SPAG16: variants seen among roughly 807,000 people sequenced by gnomAD.
SPAG16 encodes sperm associated antigen 16.
In SPAG16, 86 loss-of-function variants were observed where a neutral mutation model predicts 80.4. The observed-to-expected ratio is 1.07, with a 90% CI of 0.90 to 1.28. SPAG16 has a LOEUF of 1.28. SPAG16 is among the 50% of genes most tolerant of loss of function. SPAG16 has a pLI of 0.00. For synonymous variants in SPAG16, 294 were observed against 265.9 expected, an observed-to-expected ratio of 1.11 and a Z score of -1.03; for missense variants, 870 against 765.3, an observed-to-expected ratio of 1.14 and a Z score of -1.61.
At chr2:214,343,155 C>T (rs1697820007) in intron 15 of SPAG16, among the ~76,000 whole-genome samples, 1 of 151,850 alleles carries the variant, frequency 6.6e-6, no homozygotes, top group Non-Finnish European at 1.5e-5. Context: ...AGGGTACTAC[C>T]AAACATTAGT....
At chr2:214,229,465 ATTATAT>A (rs1210522671) in intron 15 of SPAG16, among the ~76,000 whole-genome samples, 3 of 151,684 alleles carry the variant, frequency 2.0e-5, no homozygotes, top group Non-Finnish European at 3.0e-5. Context: ...TTGTCTGTAT[ATTATAT>A]TTATATGTAT....
intron 10 of SPAG16, among the ~76,000 whole-genome samples, chr2:213,505,750 A>G (rs1244647761): frequency 6.6e-6 from 1 of 152,042 alleles, no homozygotes; most frequent in Non-Finnish European, 1.5e-5. Context: ...CCTATTAACA[A>G]TTTGGATAAC....
At chr2:213,866,665 G>A (rs1364120504) in intron 11 of SPAG16, among the ~76,000 whole-genome samples, 1 of 152,080 alleles carries the variant, frequency 6.6e-6, no homozygotes, top group Non-Finnish European at 1.5e-5. Flanking sequence ...AAGCAGAATG[G>A]TGCTTACAGG....
chr2:213,634,979 A>G (rs2062305023), intron 10 of SPAG16, among the ~76,000 whole-genome samples: 1 of 148,304 alleles, frequency 6.7e-6, no homozygotes, highest in African/African-American at 2.5e-5. Flanking sequence ...TATACTCCAC[A>G]TTTTCTTTAT....
intron 13 of SPAG16, among the ~76,000 whole-genome samples, chr2:214,059,220 GTGTATATA>G (rs1295017501): frequency 1.4e-5 from 1 of 73,802 alleles, no homozygotes; most frequent in African/African-American, 5.1e-5. Context: ...ATATATGTAT[GTGTATATA>G]TATATATATA....
chr2:213,769,430 A>G lies in SPAG16; in HGVS notation c.1071-93055A>G, dbSNP rs1157566168. On this transcript the variant is annotated intron_variant, in intron 10 of 15. Coordinates refer to ENST00000331683, the MANE Select transcript of SPAG16 (RefSeq NM_024532.5). ...GGTATAAAGAAGTAGTGCCAACAGC[A>G]TATCTTTTCTGGCAGTGGCATTGGT... is the stretch of plus-strand genomic sequence containing the variant. Among the ~76,000 whole-genome samples, 5 of 152,272 alleles carry G rather than the reference A, an allele frequency of 3.3e-5. No individual in the cohort carries two copies. The East Asian group carries it at 7.7e-4, about 24-fold the overall frequency.
At chr2:213,634,235 C>T (rs1240155128) in intron 10 of SPAG16, among the ~76,000 whole-genome samples, 1 of 151,916 alleles carries the variant, frequency 6.6e-6, no homozygotes, top group East Asian at 1.9e-4. Flanking sequence ...ATCTTATAAC[C>T]CATTATTTTA....
chr2:213,620,739 C>T (rs1267338764), intron 10 of SPAG16, among the ~76,000 whole-genome samples: 4 of 151,956 alleles, frequency 2.6e-5, no homozygotes, highest in African/African-American at 9.7e-5. Flanking sequence ...CACTCTGTAA[C>T]CATAAATACA....
At chr2:213,373,678 T>A (rs2066753125) in intron 8 of SPAG16, among the ~76,000 whole-genome samples, 1 of 152,218 alleles carries the variant, frequency 6.6e-6, no homozygotes, top group Non-Finnish European at 1.5e-5. Flanking sequence ...TGAGTTTCTC[T>A]CCCTACTGAT....
chr2:213,702,276 G>A (rs1259342021), intron 10 of SPAG16, among the ~76,000 whole-genome samples: 1 of 152,226 alleles, frequency 6.6e-6, no homozygotes, highest in East Asian at 1.9e-4. Context: ...GGCCAGATAA[G>A]GGAATAAAAG....
At chr2:213,850,120 G>A (rs1275581071) in intron 10 of SPAG16, among the ~76,000 whole-genome samples, 1 of 152,152 alleles carries the variant, frequency 6.6e-6, no homozygotes, top group Non-Finnish European at 1.5e-5. Context: ...ATAGTGGGTC[G>A]TGATTCTCCT....
chr2:213,292,801 AT>A lies in SPAG16; in HGVS notation c.137-3254del, dbSNP rs200465454. Among the ~76,000 whole-genome samples the A allele has an allele frequency of 4.6e-5, 7 of 151,592 alleles. No homozygotes were observed. The East Asian group carries it at 7.7e-4, about 17-fold the overall frequency. The stretch of plus-strand genomic sequence containing the variant: ...AACAGAGGCATGAGAAATTTAAAAG[AT>A]TTTTTTTTCCATAGATACTCATCTC... On this transcript the variant is annotated intron_variant, in intron 1 of 15. Transcript: ENST00000331683.
intron 10 of SPAG16, among the ~76,000 whole-genome samples, chr2:213,526,303 C>T (rs1325940594): frequency 1.3e-5 from 2 of 152,148 alleles, no homozygotes; most frequent in Non-Finnish European, 2.9e-5. Context: ...GTACTATTTT[C>T]AGTTGAATCA....
Position 214,385,925 on chromosome 2 carries a change from G to C in SPAG16, c.1721-24215G>C, listed in dbSNP as rs77324416. On this transcript the variant is annotated intron_variant, in intron 15 of 15. Coordinates refer to ENST00000331683, the MANE Select transcript of SPAG16 (RefSeq NM_024532.5). ...TGACAACAAGCACAGATCCAAATCT[G>C]AAGTTCAACAATAAAGTCATTGTAT... is the stretch of plus-strand genomic sequence containing the variant. Among the ~76,000 whole-genome samples the C allele has an allele frequency of 8.3e-3, 1,267 of 152,292 alleles. 7 individuals carry two copies. The highest frequency in any genetic ancestry group is 0.013 in the Admixed American group (196 of 15,292).
intron 10 of SPAG16, among the ~76,000 whole-genome samples, chr2:213,620,327 C>G (rs1393111241): frequency 1.8e-5 from 2 of 110,698 alleles, no homozygotes; most frequent in African/African-American, 7.1e-5. Flanking sequence ...GAGTCTCACT[C>G]TGTCACCCAG....
chr2:214,272,281 A>G (rs1692088007), intron 15 of SPAG16, among the ~76,000 whole-genome samples: 1 of 151,898 alleles, frequency 6.6e-6, no homozygotes, highest in Admixed American at 6.6e-5. Flanking sequence ...TATGTCTCTT[A>G]TATCTGTATG....
At chr2:213,353,130 G>C (rs1272177746) in intron 7 of SPAG16, among the ~76,000 whole-genome samples, 1 of 152,200 alleles carries the variant, frequency 6.6e-6, no homozygotes, top group Non-Finnish European at 1.5e-5. Context: ...TTGGTGTCCA[G>C]GTACATGAAA....
chr2:213,332,833 A>G (rs552794243), intron 5 of SPAG16, among the ~76,000 whole-genome samples: 17 of 152,242 alleles, frequency 1.1e-4, no homozygotes, highest in Non-Finnish European at 2.5e-4. Flanking sequence ...TCCCTTTATG[A>G]TAAAAACTCT....
At chr2:213,630,430 T>C (rs1224165068) in intron 10 of SPAG16, among the ~76,000 whole-genome samples, 2 of 152,102 alleles carry the variant, frequency 1.3e-5, no homozygotes, top group African/African-American at 4.8e-5. Flanking sequence ...GAACTGATAT[T>C]GAGGGCATAA....
Sources: gnomAD v4.1 joint callset for allele counts (sites outside exome capture counted in the v4.1 genomes callset) on GRCh38, gnomAD v4.1.1 for gene constraint, MANE v1.5 for transcripts, NCBI Gene and HGNC (gene_info 2026-07-23, HGNC 2026-07-21) for gene names.